Variants in CNKSR2 observed in about 807,000 individuals in gnomAD.
The protein encoded by CNKSR2 is CNK homolog protein 2.
CNKSR2 carries 14 observed loss-of-function variants against 84.4 expected under a neutral mutation model. The ratio of observed to expected loss-of-function variants is 0.17; its 90% CI spans 0.11 to 0.26. CNKSR2 has a LOEUF of 0.26. CNKSR2 is among the 10% of genes least tolerant of loss of function. CNKSR2 has a pLI of 1.00. For synonymous variants in CNKSR2, 275 were observed against 277.9 expected, an observed-to-expected ratio of 0.99 and a Z score of 0.10; for missense variants, 485 against 771.2, an observed-to-expected ratio of 0.63 and a Z score of 4.40.
chrX:21,565,628 A>G (rs2092231428), intron 13 of CNKSR2, among the ~76,000 whole-genome samples: 1 of 111,216 alleles, frequency 9.0e-6, no homozygotes, highest in Non-Finnish European at 1.9e-5. Context: ...TTTGGGGGAG[A>G]TCTTCCCCTA....
chrX:21,647,999 G>GT (rs1396004632), intron 20 of CNKSR2, among the ~76,000 whole-genome samples: 1 of 111,332 alleles, frequency 9.0e-6, no homozygotes, highest in Non-Finnish European at 1.9e-5. Context: ...CAAGATGGGA[G>GT]TTTTATTTGT....
chrX:21,601,425 A>C, intron 18 of CNKSR2, 76 bp downstream of exon 18: 1 of 617,183 alleles, frequency 1.6e-6, no homozygotes, highest in Non-Finnish European at 2.5e-6. Context: ...ATTCATTGCT[A>C]TCACTTGAGA....
chrX:21,602,125 T>TTTTG lies in CNKSR2; in HGVS notation c.2044+800_2044+803dup, dbSNP rs369571349. On this transcript the variant is annotated intron_variant, in intron 18 of 21. Transcript: ENST00000379510. ...TAAAATCTCAGCCAGGTTTTGTTTTTTTTGTTTGTTTGTTTGTTTGTTTGT... is the reference window on the plus strand; with the variant it reads ...TAAAATCTCAGCCAGGTTTTGTTTTTTTTGTTTGTTTGTTTGTTTGTTTGTTTGT... Among the ~76,000 whole-genome samples the TTTTG allele has an allele frequency of 6.1e-3, 673 of 110,825 alleles. 3 individuals carry two copies. Among genetic ancestry groups the TTTTG allele is most frequent in the African/African-American group, 0.011 (324 of 30,355 alleles).
intron 20 of CNKSR2, among the ~76,000 whole-genome samples, chrX:21,618,171 G>A (rs766305094): frequency 1.8e-4 from 20 of 110,746 alleles, no homozygotes; most frequent in Non-Finnish European, 3.2e-4. Flanking sequence ...GTTTACCTAC[G>A]GATTTTAGCT....
chrX:21,652,699 A>G lies in CNKSR2; in HGVS notation c.*178A>G. On this transcript the variant is annotated 3_prime_UTR_variant, in exon 22 of 22. Transcript: ENST00000379510. Reference sequence around the variant, plus strand: ...TCTTTAATGAGCATTTGTATATTTTATATGCAACAGTGCTCAGCTTATGTT... The same window carrying G: ...TCTTTAATGAGCATTTGTATATTTTGTATGCAACAGTGCTCAGCTTATGTT... 4.8e-6 allele frequency: 2 copies of G among 418,050 alleles called. No individual in the cohort carries two copies. Among genetic ancestry groups the G allele is most frequent in the Admixed American group, 9.0e-5 (2 of 22,141 alleles). The allele number at this position is 418,050 out of a possible 1,213,427, so 34.5% of individuals were successfully genotyped here. A position where few individuals can be genotyped will look rare whatever the true frequency, so the allele number is the denominator to read the frequency against.
chrX:21,604,347 A>G (rs1286554549), intron 18 of CNKSR2, among the ~76,000 whole-genome samples: 1 of 110,904 alleles, frequency 9.0e-6, no homozygotes, highest in Non-Finnish European at 1.9e-5. Flanking sequence ...GGATAGCACT[A>G]GGAGATATAC....
chrX:21,440,673 ATT>A lies in CNKSR2; in HGVS notation c.432-18_432-17del. ...TCAAAAGCTGTTACTAGTAATCACA[ATT>A]TTCCTTTTCCCTTTATAGGTCACCA... On this transcript the variant is annotated intron_variant, in intron 3 of 21. Transcript: ENST00000379510. 9.6e-7 allele frequency: 1 copy of A among 1,046,654 alleles called. No individual in the cohort carries two copies. Among genetic ancestry groups the A allele is most frequent in the African/African-American group, 1.9e-5 (1 of 53,356 alleles). 86.3% of individuals were successfully genotyped at this position (1,046,654 alleles called of 1,213,427 possible). A position where few individuals can be genotyped will look rare whatever the true frequency, so the allele number is the denominator to read the frequency against.
chrX:21,525,166 T>C lies in CNKSR2; in HGVS notation c.958-1701T>C, dbSNP rs1400497072. Reference sequence around the variant, plus strand: ...CATTCAAGGATTTGTTGTAGAGGCATGAAATGCATCCTTAGAAATAAAATA... The same window carrying C: ...CATTCAAGGATTTGTTGTAGAGGCACGAAATGCATCCTTAGAAATAAAATA... On this transcript the variant is annotated intron_variant, in intron 9 of 21. Coordinates refer to ENST00000379510, the MANE Select transcript of CNKSR2 (RefSeq NM_014927.5). Among the ~76,000 whole-genome samples, 6 of 111,098 alleles carry C rather than the reference T, an allele frequency of 5.4e-5. No homozygotes were observed. The South Asian group carries it at 1.1e-3, about 21-fold the overall frequency.
chrX:21,586,377 A>G (rs371470101), intron 13 of CNKSR2, among the ~76,000 whole-genome samples: 2 of 111,505 alleles, frequency 1.8e-5, no homozygotes, highest in East Asian at 5.6e-4. Context: ...ACTCAGAACC[A>G]TGGGCCATGC....
intron 10 of CNKSR2, among the ~76,000 whole-genome samples, chrX:21,531,155 CAT>C (rs1157540531): frequency 9.0e-6 from 1 of 110,657 alleles, no homozygotes; most frequent in Non-Finnish European, 1.9e-5. Context: ...AAATTAATAA[CAT>C]GTTGTTTGAA....
intron 8 of CNKSR2, among the ~76,000 whole-genome samples, chrX:21,502,089 A>C (rs1299960604): frequency 9.4e-6 from 1 of 105,821 alleles, no homozygotes; most frequent in African/African-American, 3.4e-5. Context: ...TTAATAGCTG[A>C]ATTAGCTTTT....
chrX:21,635,339 C>A (rs1444289174), intron 20 of CNKSR2, among the ~76,000 whole-genome samples: 1 of 106,093 alleles, frequency 9.4e-6, no homozygotes, highest in Non-Finnish European at 1.9e-5. Flanking sequence ...TTGTTAGTAA[C>A]CTCCTTGGCA....
chrX:21,488,697 G>C (rs1204278843), intron 5 of CNKSR2, among the ~76,000 whole-genome samples: 1 of 111,700 alleles, frequency 9.0e-6, no homozygotes, highest in African/African-American at 3.3e-5. Context: ...TAAATAAAAA[G>C]AGAGTTCTTA....
At chrX:21,503,951 C>T (rs1428301741) in intron 8 of CNKSR2, 1 of 111,476 alleles carries the variant, frequency 9.0e-6, no homozygotes, top group Non-Finnish European at 1.9e-5. Flanking sequence ...TCTTGGCATA[C>T]TGCTACTAGA....
chrX:21,591,246 A>T, intron 15 of CNKSR2, 52 bp downstream of exon 15: 1 of 1,019,099 alleles, frequency 9.8e-7, no homozygotes, highest in Non-Finnish European at 1.3e-6. Context: ...TTTAATCAAA[A>T]GAATCATTTT....
intron 10 of CNKSR2, among the ~76,000 whole-genome samples, chrX:21,528,432 G>A (rs753289026): frequency 2.1e-4 from 23 of 111,364 alleles, no homozygotes; most frequent in Non-Finnish European, 4.2e-4. Flanking sequence ...TCAAATCTCT[G>A]TAGTTTTAAA....
chrX:21,543,532 T>C (rs2091994785), intron 11 of CNKSR2, among the ~76,000 whole-genome samples: 1 of 112,494 alleles, frequency 8.9e-6, no homozygotes, highest in Non-Finnish European at 1.9e-5. Context: ...AGTCTGTTTC[T>C]ATTGTAAAAC....
chrX:21,535,250 A>G (rs190696099), intron 11 of CNKSR2, among the ~76,000 whole-genome samples: 1 of 111,543 alleles, frequency 9.0e-6, no homozygotes, highest in African/African-American at 3.2e-5. Context: ...CTGTTTTTAT[A>G]CCAGTGCAAT....
At chrX:21,574,904 C>T (rs752749288) in intron 13 of CNKSR2, among the ~76,000 whole-genome samples, 1 of 112,008 alleles carries the variant, frequency 8.9e-6, no homozygotes, top group Non-Finnish European at 1.9e-5. Flanking sequence ...CATTAGACTT[C>T]ATCACTATCA....
Sources: gnomAD v4.1 joint callset for allele counts (sites outside exome capture counted in the v4.1 genomes callset) on GRCh38, gnomAD v4.1.1 for gene constraint, MANE v1.5 for transcripts, NCBI Gene and HGNC (gene_info 2026-07-23, HGNC 2026-07-21) for gene names.